The following HCN1 variants were observed in gnomAD, a reference collection of about 807,000 sequenced individuals.
The protein encoded by HCN1 is potassium/sodium hyperpolarization-activated cyclic nucleotide-gated channel 1.
Under a neutral mutation model 78.9 loss-of-function variants are expected in HCN1, and 13 were observed. The ratio of observed to expected loss-of-function variants is 0.16; its 90% confidence interval spans 0.11 to 0.26. The LOEUF is 0.26. Ranked by LOEUF, HCN1 falls within the 10% of genes least tolerant of loss-of-function variation. The pLI, the probability that HCN1 is intolerant of heterozygous loss-of-function variation, is 1.00. For missense variants in HCN1, 810 were observed against 1,154.3 expected (o/e 0.70, Z 4.32); for synonymous variants, 552 against 455.5 (o/e 1.21, Z -2.70).
At chr5:45,301,812 A>G (rs1745627686) in intron 6 of HCN1, among the ~76,000 whole-genome samples, 2 of 151,988 alleles carry the variant, frequency 1.3e-5, no homozygotes, top group South Asian at 4.1e-4. Context: ...TTAATGCCCT[A>G]AGAAAAAATA....
At chr5:45,454,842 A>G (rs1173667640) in intron 3 of HCN1, among the ~76,000 whole-genome samples, 1 of 152,136 alleles carries the variant, frequency 6.6e-6, no homozygotes, top group Non-Finnish European at 1.5e-5. Flanking sequence ...GTGAGCTTAC[A>G]TATGAATAAT....
chr5:45,379,939 A>G (rs1747769174), intron 4 of HCN1, among the ~76,000 whole-genome samples: 1 of 152,058 alleles, frequency 6.6e-6, no homozygotes, highest in African/African-American at 2.4e-5. Flanking sequence ...AAAGAGAAAA[A>G]AAGAGAGGCA....
chr5:45,256,259 G>C lies in HCN1; in HGVS notation c.*5662C>G, dbSNP rs2111829302. On this transcript the variant is annotated 3_prime_UTR_variant, in exon 8 of 8. Coordinates refer to ENST00000303230, the MANE Select transcript of HCN1 (RefSeq NM_021072.4). The stretch of plus-strand genomic sequence containing the variant: ...ATGGTGGCGGGCACCTGTAATCCCA[G>C]CTACTCTGGAGGCTGATGCAGGAGA... 1 of 151,854 alleles carries C rather than the reference G, an allele frequency of 6.6e-6. No individual in the cohort carries two copies. The highest frequency in any genetic ancestry group is 2.1e-4 in the South Asian group (1 of 4,798). The allele number at this position is 151,854 out of a possible 1,614,324, so 9.4% of individuals were successfully genotyped here.
At chr5:45,633,961 C>G (rs1745314285) in intron 2 of HCN1, among the ~76,000 whole-genome samples, 1 of 151,888 alleles carries the variant, frequency 6.6e-6, no homozygotes. Flanking sequence ...AATAATGATT[C>G]AACTAAATGA....
intron 1 of HCN1, among the ~76,000 whole-genome samples, chr5:45,669,019 C>G (rs1026134599): frequency 2.0e-5 from 3 of 151,700 alleles, no homozygotes; most frequent in Non-Finnish European, 4.4e-5. Context: ...TTTAGTATAC[C>G]TAGATCTTAA....
At chr5:45,312,831 C>A (rs967383817) in intron 5 of HCN1, among the ~76,000 whole-genome samples, 1 of 152,152 alleles carries the variant, frequency 6.6e-6, no homozygotes, top group Non-Finnish European at 1.5e-5. Context: ...GGGCGCCCAC[C>A]ATTGCTGAGG....
chr5:45,484,693 C>T (rs1741723470), intron 2 of HCN1, among the ~76,000 whole-genome samples: 1 of 152,106 alleles, frequency 6.6e-6, no homozygotes, highest in Non-Finnish European at 1.5e-5. Context: ...CCACATAACC[C>T]CTGGACTCTA....
At chr5:45,607,610 CAGATATATCT>C (rs1416271792) in intron 2 of HCN1, among the ~76,000 whole-genome samples, 1 of 146,980 alleles carries the variant, frequency 6.8e-6, no homozygotes, top group Non-Finnish European at 1.5e-5. Flanking sequence ...TAGATAGATC[CAGATATATCT>C]AGATATATCT....
At position 45,262,281 on chromosome 5, in the gene HCN1, C is replaced by A. The variant is rs1744761117; in HGVS notation, c.2313G>T (p.Thr771=). Residue 771 remains threonine (T), a synonymous_variant, in exon 8 of 8, where the codon ACG becomes ACT. Transcript: ENST00000303230. The part of the protein sequence containing the change: ...STPKNEVHKS[T]QALHNTNLTR... ...TCAGGTTGGTGTTGTGAAGCGCCTG[C>A]GTGCTCTTGTGCACTTCATTTTTCG... The A allele has an allele frequency of 6.2e-7, 1 of 1,613,986 alleles. No individual in the cohort carries two copies. The highest frequency in any genetic ancestry group is 8.5e-7 in the Non-Finnish European group (1 of 1,180,032).
chr5:45,564,202 G>C (rs1743662188), intron 2 of HCN1, among the ~76,000 whole-genome samples: 1 of 151,638 alleles, frequency 6.6e-6, no homozygotes, highest in Non-Finnish European at 1.5e-5. Context: ...CAAAAACTTT[G>C]TCTCCCACTA....
At chr5:45,452,293 G>C (rs1344070815) in intron 3 of HCN1, among the ~76,000 whole-genome samples, 1 of 151,248 alleles carries the variant, frequency 6.6e-6, no homozygotes, top group Admixed American at 6.6e-5. Flanking sequence ...GAGGCACCTA[G>C]CTGGTAAATA....
At chr5:45,320,274 C>T (rs1561104826) in intron 5 of HCN1, among the ~76,000 whole-genome samples, 1 of 151,852 alleles carries the variant, frequency 6.6e-6, no homozygotes, top group Non-Finnish European at 1.5e-5. Flanking sequence ...TCCTAGAGAA[C>T]ATCCTATTAA....
chr5:45,471,654 G>A (rs1383466317), intron 2 of HCN1, among the ~76,000 whole-genome samples: 2 of 151,832 alleles, frequency 1.3e-5, no homozygotes. Flanking sequence ...AACCATGAAC[G>A]TTTATCTTAC....
chr5:45,528,799 C>T (rs575211074), intron 2 of HCN1, among the ~76,000 whole-genome samples: 2 of 151,922 alleles, frequency 1.3e-5, no homozygotes, highest in South Asian at 4.2e-4. Flanking sequence ...GAGTCTCAAT[C>T]ATAAGAAAAA....
At chr5:45,326,712 T>C (rs982772373) in intron 5 of HCN1, among the ~76,000 whole-genome samples, 1 of 151,692 alleles carries the variant, frequency 6.6e-6, no homozygotes, top group Non-Finnish European at 1.5e-5. Flanking sequence ...TTTTGAGATG[T>C]ACAAATTAAA....
At position 45,506,045 on chromosome 5, in the gene HCN1, T is replaced by C. The variant is rs180985419; in HGVS notation, c.850-44038A>G. ...TGATGTAACAAGGATAGTATAGTTA[T>C]GTTCACTAGAATGAAATAAAATCGG... On this transcript the variant is annotated intron_variant, in intron 2 of 7. Transcript: ENST00000303230. Among the ~76,000 whole-genome samples, 15 of 152,278 alleles carry C rather than the reference T, an allele frequency of 9.9e-5. No homozygotes were observed. The East Asian group carries it at 2.9e-3, about 29-fold the overall frequency.
Position 45,539,935 on chromosome 5 carries a change from T to G in HCN1, c.850-77928A>C, listed in dbSNP as rs1472077714. Among the ~76,000 whole-genome samples, 192 of 127,980 alleles carry G rather than the reference T, an allele frequency of 1.5e-3. 2 individuals are homozygous for G. The highest frequency in any genetic ancestry group is 2.0e-3 in the Non-Finnish European group (118 of 58,758). The allele number at this position is 127,980 out of a possible 152,430, so 84.0% of individuals were successfully genotyped here. Reference sequence around the variant, plus strand: ...AAATTGTGAGATATATATATATATATATATATATATATATATATATATATA... The same window carrying G: ...AAATTGTGAGATATATATATATATAGATATATATATATATATATATATATA... On this transcript the variant is annotated intron_variant, in intron 2 of 7. Transcript: ENST00000303230.
intron 2 of HCN1, among the ~76,000 whole-genome samples, chr5:45,467,894 C>A (rs1288532443): frequency 6.6e-6 from 1 of 151,860 alleles, no homozygotes; most frequent in Non-Finnish European, 1.5e-5. Flanking sequence ...TTCTTTTTTT[C>A]CCTCTTTTTA....
At chr5:45,665,927 C>T (rs892771147) in intron 1 of HCN1, among the ~76,000 whole-genome samples, 3 of 152,056 alleles carry the variant, frequency 2.0e-5, no homozygotes, top group Non-Finnish European at 4.4e-5. Flanking sequence ...TTTAGACAAG[C>T]TAGTCTATTT....
Sources: allele counts gnomAD v4.1 joint callset (sites outside exome capture counted in the v4.1 genomes callset), GRCh38; gene constraint gnomAD v4.1.1; transcripts MANE v1.5; gene names NCBI Gene and HGNC (gene_info 2026-07-23, HGNC 2026-07-21).